Variants in PSMD3 observed in about 807,000 individuals in gnomAD.
The protein encoded by PSMD3 is 26S proteasome non-ATPase regulatory subunit 3.
Under a neutral mutation model 62.8 loss-of-function variants are expected in PSMD3, and 5 were observed. The ratio of observed to expected loss-of-function variants is 0.08; its 90% CI spans 0.04 to 0.17. PSMD3 has a LOEUF of 0.17. PSMD3 is among the 10% of genes least tolerant of loss of function. PSMD3 has a pLI of 1.00. For missense variants in PSMD3, 524 were observed against 713.6 expected (o/e 0.73, Z 3.03); for synonymous variants, 265 against 283.9 (o/e 0.93, Z 0.67).
intron 6 of PSMD3, among the ~76,000 whole-genome samples, chr17:39,992,837 G>A (rs1410052926): frequency 6.6e-6 from 1 of 152,064 alleles, no homozygotes; most frequent in African/African-American, 2.4e-5. Flanking sequence ...CTTCCCTCCA[G>A]TGTTCTCTCT....
At chr17:39,992,287 G>A (rs1381945218) in intron 6 of PSMD3, among the ~76,000 whole-genome samples, 1 of 152,176 alleles carries the variant, frequency 6.6e-6, no homozygotes, top group East Asian at 1.9e-4. Flanking sequence ...GAGAGGTCTC[G>A]GGCTGTTGGT....
chr17:39,984,148 C>G (rs897030210), intron 1 of PSMD3, 146 bp from the exon 2 acceptor site: 1 of 674,348 alleles, frequency 1.5e-6, no homozygotes, highest in African/African-American at 2.1e-5. Flanking sequence ...TGCAGTGAGC[C>G]GAGATCACAC....
chr17:39,988,617 A>G (rs1165772648), intron 3 of PSMD3, 66 bp from the exon 4 acceptor site: 4 of 1,571,826 alleles, frequency 2.5e-6, no homozygotes, highest in East Asian at 4.5e-5. Flanking sequence ...TGCTGGCTCA[A>G]ATGACAACTC....
Position 39,996,262 on chromosome 17 carries a change from A to T in PSMD3, c.1400A>T (p.Tyr467Phe). 6.2e-7 allele frequency: 1 copy of T among 1,614,064 alleles called. No homozygotes were observed. The highest frequency in any genetic ancestry group is 8.5e-7 in the Non-Finnish European group (1 of 1,179,994). The part of the protein sequence containing the change: ...YVQSKEMIDI[Y>F]STREPQLAFH... ...CAATCCAAGGAGATGATTGACATCT[A>T]TTCCACCCGAGAGCCCCAGCTAGCC... The change falls in exon 10 of 12, where the codon TAT (tyrosine) becomes TTT (phenylalanine). Residue 467 changes from tyrosine (Y) to phenylalanine (F), a missense_variant. Coordinates refer to ENST00000264639, the MANE Select transcript of PSMD3 (RefSeq NM_002809.4). The surrounding 1 kb of genome is among the most constrained non-coding windows in gnomAD (Gnocchi z 5.1).
Position 39,981,165 on chromosome 17 carries a change from A to C in PSMD3, c.195A>C (p.Arg65=), listed in dbSNP as rs541261982. 6 of 1,550,882 alleles carry C rather than the reference A, an allele frequency of 3.9e-6. 1 individual carries two copies. The South Asian group carries it at 7.1e-5, about 18-fold the overall frequency. ...TAAAAAEHSQ[R]ELDTVTLEDI... is the part of the protein sequence containing the mutation. ...CGGCAGCGGCTGAGCACTCCCAGCG[A>C]GAGCTGGACACAGTCACCTTGGAGG... is the stretch of plus-strand genomic sequence containing the variant. Residue 65 remains arginine, a synonymous_variant, in exon 1 of 12, where the codon CGA becomes CGC. Coordinates refer to ENST00000264639, the MANE Select transcript of PSMD3 (RefSeq NM_002809.4).
intron 1 of PSMD3, among the ~76,000 whole-genome samples, chr17:39,983,055 C>T (rs1033970660): frequency 7.3e-5 from 11 of 149,924 alleles, no homozygotes; most frequent in South Asian, 4.2e-4. Flanking sequence ...TTTTTTGAGA[C>T]GGAGTCTCGC....
chr17:39,997,391 T>C lies in PSMD3; in HGVS notation c.1527+11T>C, dbSNP rs762486078. ...TTGGAGTCTGCAGAGGTAAGCTCTC[T>C]GCTTTCTGGGTGAGACCGAAAGGTC... is the stretch of plus-strand genomic sequence containing the variant. On this transcript the variant is annotated intron_variant, in intron 11 of 11. Coordinates refer to ENST00000264639, the MANE Select transcript of PSMD3 (RefSeq NM_002809.4). 6.2e-7 allele frequency: 1 copy of C among 1,614,150 alleles called. No individual in the cohort carries two copies. Among genetic ancestry groups the C allele is most frequent in the Non-Finnish European group, 8.5e-7 (1 of 1,179,984 alleles).
In PSMD3 at chr17:39,984,488, A is replaced by G; in HGVS notation, c.411+4A>G. ...TTTGCTCCCCTTCCTGGAAGAGGTG[A>G]GTGAGTCAGGCCAACTTAAAGGGTG... On this transcript the variant is annotated splice_donor_region_variant and intron_variant, in intron 2 of 11. Coordinates refer to ENST00000264639, the MANE Select transcript of PSMD3 (RefSeq NM_002809.4). 1 of 1,609,038 alleles carries G rather than the reference A, an allele frequency of 6.2e-7. No individual in the cohort carries two copies. The highest frequency in any genetic ancestry group is 8.5e-7 in the Non-Finnish European group (1 of 1,176,754).
chr17:39,997,114 AAG>A (rs1165513418), intron 10 of PSMD3, among the ~76,000 whole-genome samples: 1 of 152,048 alleles, frequency 6.6e-6, no homozygotes. Context: ...CTGCCCAGTC[AAG>A]AGAGTTGGTC....
At position 39,981,849 on chromosome 17, in the gene PSMD3, C is replaced by G. The variant is rs1045528687; in HGVS notation, c.220+659C>G. The stretch of plus-strand genomic sequence containing the variant: ...TTTGTTTGGTTTTGTAATACTCAAC[C>G]TTTGGCCTAAACTCCTATATACCGG... On this transcript the variant is annotated intron_variant, in intron 1 of 11. Transcript: ENST00000264639. Among the ~76,000 whole-genome samples the G allele has an allele frequency of 2.6e-5, 4 of 151,820 alleles. No homozygotes were observed. In the East Asian group the frequency reaches 7.7e-4, roughly 29 times the overall value.
rs1481065802 is a variant in PSMD3 at position 39,980,819 on chromosome 17, G to A, written c.-152G>A. 7.3e-6 allele frequency: 5 copies of A among 688,852 alleles called. No individual in the cohort carries two copies. Among genetic ancestry groups the A allele is most frequent in the African/African-American group, 3.9e-5 (2 of 51,906 alleles). The allele number at this position is 688,852 out of a possible 1,614,324, so 42.7% of individuals were successfully genotyped here. On this transcript the variant is annotated 5_prime_UTR_variant, in exon 1 of 12. Coordinates refer to ENST00000264639, the MANE Select transcript of PSMD3 (RefSeq NM_002809.4). Reference sequence around the variant, plus strand: ...CCTGGCGTTTCCCAGAAGGCCCAGCGCCGGGAAGGGGTTTGCAGCTGCTCC... The same window carrying A: ...CCTGGCGTTTCCCAGAAGGCCCAGCACCGGGAAGGGGTTTGCAGCTGCTCC...
At chr17:39,992,247 T>G (rs996943928) in intron 6 of PSMD3, among the ~76,000 whole-genome samples, 1 of 152,126 alleles carries the variant, frequency 6.6e-6, no homozygotes, top group Admixed American at 6.6e-5. Context: ...CATTTAAATC[T>G]CAGTGGCAGG....
chr17:39,997,705 T>G lies in PSMD3; in HGVS notation c.*124T>G. The G allele has an allele frequency of 8.8e-7, 1 of 1,140,212 alleles. No homozygotes were observed. Among genetic ancestry groups the G allele is most frequent in the Admixed American group, 2.1e-5 (1 of 47,984 alleles). The allele number at this position is 1,140,212 out of a possible 1,614,324, so 70.6% of individuals were successfully genotyped here. A position where few individuals can be genotyped will look rare whatever the true frequency, so the allele number is the denominator to read the frequency against. On this transcript the variant is annotated 3_prime_UTR_variant, in exon 12 of 12. Transcript: ENST00000264639. ...TCATATGCTGCATTCGTGCAGGGGGTGGGGGTGCTGGGAGCCAGCCACCCT... is the reference window on the plus strand; with the variant it reads ...TCATATGCTGCATTCGTGCAGGGGGGGGGGGTGCTGGGAGCCAGCCACCCT...
chr17:39,995,104 C>G lies in PSMD3; in HGVS notation c.1096+36C>G. On this transcript the variant is annotated intron_variant, in intron 7 of 11. Transcript: ENST00000264639. The surrounding 1 kb of genome is among the most constrained non-coding windows in gnomAD (Gnocchi z 4.1). ...CTTCCCCACCCCAGAGCCCACTAGG[C>G]CCCCTTCAGTGGGGCCTCTTACATG... 1 of 1,613,824 alleles carries G rather than the reference C, an allele frequency of 6.2e-7. No individual in the cohort carries two copies. Among genetic ancestry groups the G allele is most frequent in the Non-Finnish European group, 8.5e-7 (1 of 1,179,786 alleles).
chr17:39,986,500 A>G (rs781354158), intron 2 of PSMD3, 75 bp from the exon 3 acceptor site: 29 of 1,544,548 alleles, frequency 1.9e-5, no homozygotes, highest in East Asian at 4.5e-5. Flanking sequence ...GTTGAAATAC[A>G]TAGTGGATGC....
Position 39,981,834 on chromosome 17 carries a change from T to G in PSMD3, c.220+644T>G, listed in dbSNP as rs115146454. Among the ~76,000 whole-genome samples the G allele has an allele frequency of 6.3e-3, 744 of 118,588 alleles. 6 individuals are homozygous for G. Among genetic ancestry groups the G allele is most frequent in the African/African-American group, 0.026 (732 of 28,004 alleles). The allele number at this position is 118,588 out of a possible 152,430, so 77.8% of individuals were successfully genotyped here. ...TTTTCGGGTGTCATCTTTGTTTGGT[T>G]TTGTAATACTCAACCTTTGGCCTAA... On this transcript the variant is annotated intron_variant, in intron 1 of 11. Transcript: ENST00000264639.
chr17:39,991,311 C>T (rs374523794), intron 6 of PSMD3, among the ~76,000 whole-genome samples: 7 of 152,120 alleles, frequency 4.6e-5, no homozygotes, highest in African/African-American at 1.7e-4. Flanking sequence ...CCTGCCACCA[C>T]GCCCAGCTAA....
At chr17:39,983,995 C>A (rs112428804) in intron 1 of PSMD3, among the ~76,000 whole-genome samples, 1 of 151,932 alleles carries the variant, frequency 6.6e-6, no homozygotes, top group Non-Finnish European at 1.5e-5. Flanking sequence ...GTCAGGAGAT[C>A]GAGACCATCC....
chr17:39,992,702 A>G (rs1259396275), intron 6 of PSMD3, among the ~76,000 whole-genome samples: 1 of 151,984 alleles, frequency 6.6e-6, no homozygotes, highest in African/African-American at 2.4e-5. Flanking sequence ...TCTCTCTTCT[A>G]GCCTTGGCCC....
Sources: gnomAD v4.1 joint callset for allele counts (sites outside exome capture counted in the v4.1 genomes callset) on GRCh38, gnomAD v4.1.1 for gene constraint, Gnocchi (gnomAD v3.1) non-coding constraint, MANE v1.5 for transcripts, NCBI Gene and HGNC (gene_info 2026-07-23, HGNC 2026-07-21) for gene names.